The following SBF2 variants were observed in gnomAD, a reference collection of about 807,000 sequenced individuals.
SBF2 encodes SET binding factor 2.
A neutral mutation model predicts 225.2 loss-of-function variants in SBF2; 112 were observed. The ratio of observed to expected loss-of-function variants is 0.50; its 90% CI spans 0.43 to 0.58. SBF2 has a LOEUF of 0.58. Ranked by LOEUF, SBF2 falls within the 20% of genes least tolerant of loss-of-function variation. The probability of loss-of-function intolerance (pLI) is 0.00; values close to 1 mark genes in which losing one functional copy is unlikely to be tolerated. For missense variants in SBF2, 1,996 were observed against 2,206.2 expected (o/e 0.90, Z 1.91); for synonymous variants, 763 against 773.3 (o/e 0.99, Z 0.22).
intron 3 of SBF2, among the ~76,000 whole-genome samples, chr11:10,039,871 A>T (rs1949586471): frequency 6.6e-6 from 1 of 151,946 alleles, no homozygotes; most frequent in African/African-American, 2.4e-5. Flanking sequence ...CACGCTGGTC[A>T]AATATGGGAT....
At chr11:9,950,824 T>C (rs1865815338) in intron 16 of SBF2, among the ~76,000 whole-genome samples, 1 of 152,230 alleles carries the variant, frequency 6.6e-6, no homozygotes, top group Non-Finnish European at 1.5e-5. Flanking sequence ...GGACTAAAAT[T>C]CTAACCAGCT....
chr11:9,990,644 CCAAA>C (rs556287584), intron 12 of SBF2, among the ~76,000 whole-genome samples: 2 of 152,114 alleles, frequency 1.3e-5, no homozygotes, highest in Non-Finnish European at 2.9e-5. Flanking sequence ...CCACTGTAGG[CCAAA>C]CAGAGAACTG....
At chr11:9,786,605 G>A (rs1852388354) in intron 36 of SBF2, among the ~76,000 whole-genome samples, 1 of 152,096 alleles carries the variant, frequency 6.6e-6, no homozygotes, top group Non-Finnish European at 1.5e-5. Flanking sequence ...TTCCTGAACT[G>A]TTCTTCAGAA....
At chr11:9,873,003 G>A (rs1053866988) in intron 17 of SBF2, among the ~76,000 whole-genome samples, 1 of 151,660 alleles carries the variant, frequency 6.6e-6, no homozygotes, top group South Asian at 2.1e-4. Context: ...TCAGGAGATC[G>A]AGACCTTCCT....
At chr11:9,859,000 C>T (rs1857518704) in intron 17 of SBF2, among the ~76,000 whole-genome samples, 1 of 152,148 alleles carries the variant, frequency 6.6e-6, no homozygotes, top group Non-Finnish European at 1.5e-5. Context: ...TTTCTGGTAA[C>T]CAAATTTGTG....
At chr11:10,196,540 A>T (rs1957360627) in intron 1 of SBF2, among the ~76,000 whole-genome samples, 1 of 151,766 alleles carries the variant, frequency 6.6e-6, no homozygotes, top group Non-Finnish European at 1.5e-5. Context: ...CACCACAACC[A>T]GCTAATTTTC....
chr11:10,119,767 T>C (rs1019457518), intron 2 of SBF2, among the ~76,000 whole-genome samples: 1 of 152,172 alleles, frequency 6.6e-6, no homozygotes, highest in Non-Finnish European at 1.5e-5. Flanking sequence ...ACCTAATATC[T>C]TGTGGTTACA....
chr11:10,128,572 T>G (rs936242342), intron 2 of SBF2, among the ~76,000 whole-genome samples: 1 of 152,180 alleles, frequency 6.6e-6, no homozygotes, highest in African/African-American at 2.4e-5. Flanking sequence ...CAAGAACATA[T>G]GCTAGATAAA....
chr11:9,958,952 T>C lies in SBF2; in HGVS notation c.1860+3005A>G, dbSNP rs1428908321. 6 of 707,684 alleles carry C rather than the reference T, an allele frequency of 8.5e-6. No individual in the cohort carries two copies. The East Asian group carries it at 1.5e-4, about 18-fold the overall frequency. 43.8% of individuals were successfully genotyped at this position (707,684 alleles called of 1,614,324 possible). A position where few individuals can be genotyped will look rare whatever the true frequency, so the allele number is the denominator to read the frequency against. On this transcript the variant is annotated intron_variant, in intron 16 of 39. Coordinates refer to ENST00000256190, the MANE Select transcript of SBF2 (RefSeq NM_030962.4). The stretch of plus-strand genomic sequence containing the variant: ...GTTGATGTTAGAAGTTTCATGGGAA[T>C]GTGGATGTGGTACTGCTGTTGCTTG...
At chr11:10,284,005 T>C (rs1963582491) in intron 1 of SBF2, among the ~76,000 whole-genome samples, 1 of 152,228 alleles carries the variant, frequency 6.6e-6, no homozygotes, top group Admixed American at 6.5e-5. Context: ...TCTAAAATTT[T>C]ATAAAATAAC....
chr11:9,781,725 T>C, intron 38 of SBF2, 87 bp from the exon 39 acceptor site: 2 of 1,471,956 alleles, frequency 1.4e-6, no homozygotes, highest in Admixed American at 1.7e-5. Context: ...TACCTTCCTC[T>C]GTACCTTGGT....
intron 16 of SBF2, among the ~76,000 whole-genome samples, chr11:9,917,225 A>G (rs1863173532): frequency 6.6e-6 from 1 of 151,748 alleles, no homozygotes; most frequent in African/African-American, 2.4e-5. Flanking sequence ...CAGATCATAT[A>G]TTTATTTATA....
In SBF2 at chr11:9,962,053, G is replaced by A. The variant is rs1482124565; in HGVS notation, c.1764C>T (p.Leu588=). The change falls in exon 16 of 40, where the codon CTC becomes CTT. Residue 588 remains leucine (L), a synonymous_variant. Transcript: ENST00000256190. ...GGACATGCAAACCCAATTCATCAGT[G>A]AGACACTGTCTTGCTGCCTTTCCTT... ...ALKGKAARQC[L]TDELGLHVQQ... 3.7e-6 allele frequency: 6 copies of A among 1,613,906 alleles called. No individual in the cohort carries two copies. The highest frequency in any genetic ancestry group is 2.2e-5 in the East Asian group (1 of 44,876).
chr11:10,209,042 C>G (rs1266408899), intron 1 of SBF2, among the ~76,000 whole-genome samples: 1 of 152,144 alleles, frequency 6.6e-6, no homozygotes, highest in Admixed American at 6.5e-5. Flanking sequence ...CTTCCTTAAA[C>G]AAGAAATTCG....
At chr11:9,961,139 T>C (rs986295694) in intron 16 of SBF2, 1 of 152,220 alleles carries the variant, frequency 6.6e-6, no homozygotes, top group Non-Finnish European at 1.5e-5. Context: ...ATCTTTAACA[T>C]ATTGAGTCTT....
At chr11:9,793,553 C>T (rs1185906988) in intron 33 of SBF2, among the ~76,000 whole-genome samples, 1 of 152,168 alleles carries the variant, frequency 6.6e-6, no homozygotes, top group South Asian at 2.1e-4. Flanking sequence ...CCACGCCTGG[C>T]TAATGTTTGT....
intron 1 of SBF2, among the ~76,000 whole-genome samples, chr11:10,289,365 G>A (rs1036155317): frequency 3.3e-5 from 5 of 152,142 alleles, no homozygotes; most frequent in Non-Finnish European, 7.4e-5. Context: ...TCTGACTTGG[G>A]TGGCTGCAGC....
At chr11:10,046,642 A>G (rs1949871551) in intron 2 of SBF2, among the ~76,000 whole-genome samples, 1 of 151,976 alleles carries the variant, frequency 6.6e-6, no homozygotes, top group South Asian at 2.1e-4. Flanking sequence ...CTTTTAAAAA[A>G]AAAAAACTCC....
intron 17 of SBF2, among the ~76,000 whole-genome samples, chr11:9,884,392 A>C (rs1860085676): frequency 6.6e-6 from 1 of 152,190 alleles, no homozygotes; most frequent in Non-Finnish European, 1.5e-5. Flanking sequence ...TTTTAAAAAA[A>C]ATGTGGTTTT....
Sources: gnomAD v4.1 joint callset for allele counts (sites outside exome capture counted in the v4.1 genomes callset) on GRCh38, gnomAD v4.1.1 for gene constraint, MANE v1.5 for transcripts, NCBI Gene and HGNC (gene_info 2026-07-23, HGNC 2026-07-21) for gene names.